OPCML: variants seen among roughly 807,000 people sequenced by gnomAD.
The protein encoded by OPCML is opioid-binding protein/cell adhesion molecule.
In OPCML, 13 loss-of-function variants were observed where a neutral mutation model predicts 37.8. The ratio of observed to expected loss-of-function variants is 0.34; its 90% confidence interval spans 0.22 to 0.55. OPCML has a LOEUF of 0.55. OPCML is among the 20% of genes least tolerant of loss of function. The probability of loss-of-function intolerance (pLI) is 0.91; values close to 1 mark genes in which losing one functional copy is unlikely to be tolerated. For missense variants in OPCML, 341 were observed against 435.6 expected, an observed-to-expected ratio of 0.78 and a Z score of 1.93; for synonymous variants, 176 against 168.8, an observed-to-expected ratio of 1.04 and a Z score of -0.33.
At chr11:132,542,477 C>A (rs2096359112) in intron 3 of OPCML, among the ~76,000 whole-genome samples, 1 of 152,170 alleles carries the variant, frequency 6.6e-6, no homozygotes, top group Non-Finnish European at 1.5e-5. Context: ...CAGTCTCTAT[C>A]CAGGTCTGGA....
chr11:133,081,983 G>A (rs1438510854), intron 1 of OPCML, among the ~76,000 whole-genome samples: 3 of 152,100 alleles, frequency 2.0e-5, no homozygotes, highest in Non-Finnish European at 4.4e-5. Flanking sequence ...CAGCAGCCCC[G>A]GGAAGTTCTG....
intron 2 of OPCML, among the ~76,000 whole-genome samples, chr11:132,806,852 T>G (rs1377067783): frequency 6.6e-6 from 1 of 152,190 alleles, no homozygotes; most frequent in Non-Finnish European, 1.5e-5. Flanking sequence ...CCATTATCCT[T>G]GGCCTTAGAA....
Position 132,980,084 on chromosome 11 carries a change from G to A in OPCML, c.62-37074C>T, listed in dbSNP as rs1206465779. ...AAGCCACACTATAGTGCCTCAAAATGTGAATAAGAGATAAAAGAAATACGG... is the reference window on the plus strand; with the variant it reads ...AAGCCACACTATAGTGCCTCAAAATATGAATAAGAGATAAAAGAAATACGG... On this transcript the variant is annotated intron_variant, in intron 1 of 7. Coordinates refer to ENST00000524381, the MANE Select transcript of OPCML (RefSeq NM_001012393.5). Among the ~76,000 whole-genome samples, 5 of 152,178 alleles carry A rather than the reference G, an allele frequency of 3.3e-5. 1 individual carries two copies. The highest frequency in any genetic ancestry group is 3.3e-4 in the Admixed American group (5 of 15,270).
intron 1 of OPCML, among the ~76,000 whole-genome samples, chr11:133,373,448 T>TATATATATATAC (rs966091785): frequency 1.5e-4 from 20 of 132,178 alleles, no homozygotes; most frequent in South Asian, 1.1e-3. Context: ...TATATATATA[T>TATATATATATAC]ACACACACAC....
chr11:132,609,018 C>T (rs576755204), intron 3 of OPCML, among the ~76,000 whole-genome samples: 44 of 152,242 alleles, frequency 2.9e-4, no homozygotes, highest in Non-Finnish European at 5.1e-4. Context: ...CTCTCTGCCT[C>T]CCCTGTCTTA....
In OPCML at chr11:132,920,434, G is replaced by A. The variant is rs116052298; in HGVS notation, c.146+22492C>T. Among the ~76,000 whole-genome samples, 916 of 152,292 alleles carry A rather than the reference G, an allele frequency of 6.0e-3. 7 individuals carry two copies. Among genetic ancestry groups the A allele is most frequent in the African/African-American group, 0.021 (864 of 41,560 alleles). ...AAAACTAAAAGTTACTGTGGTTTGCGGGAGAGGGCAAAAGAGCATGTGAAA... is the reference window on the plus strand; with the variant it reads ...AAAACTAAAAGTTACTGTGGTTTGCAGGAGAGGGCAAAAGAGCATGTGAAA... On this transcript the variant is annotated intron_variant, in intron 2 of 7. Transcript: ENST00000524381.
intron 1 of OPCML, among the ~76,000 whole-genome samples, chr11:133,328,053 A>T (rs777329993): frequency 2.0e-5 from 3 of 152,188 alleles, no homozygotes; most frequent in Non-Finnish European, 4.4e-5. Flanking sequence ...TCATTAAAAG[A>T]CGGCTAAAAA....
At position 133,208,920 on chromosome 11, in the gene OPCML, C is replaced by T. The variant is rs1446449825; in HGVS notation, c.62-265910G>A. On this transcript the variant is annotated intron_variant, in intron 1 of 7. Coordinates refer to ENST00000524381, the MANE Select transcript of OPCML (RefSeq NM_001012393.5). The surrounding 1 kb of genome is among the most constrained non-coding windows in gnomAD (Gnocchi z 8.9). The stretch of plus-strand genomic sequence containing the variant: ...CTGGTGTCTAAGAACCAAACCAACC[C>T]ACTCTTGGGAGAAGACATACTTACA... Among the ~76,000 whole-genome samples, 1 of 152,176 alleles carries T rather than the reference C, an allele frequency of 6.6e-6. No individual in the cohort carries two copies. Among genetic ancestry groups the T allele is most frequent in the Admixed American group, 6.5e-5 (1 of 15,286 alleles).
At chr11:133,025,645 T>C (rs991248672) in intron 1 of OPCML, 3 of 204,130 alleles carry the variant, frequency 1.5e-5, no homozygotes, top group African/African-American at 7.1e-5. Context: ...TAGTCTCAAG[T>C]CCTGGGCTCC....
intron 1 of OPCML, among the ~76,000 whole-genome samples, chr11:133,253,173 A>G (rs573447725): frequency 6.6e-5 from 10 of 151,760 alleles, no homozygotes; most frequent in Non-Finnish European, 1.0e-4. Context: ...GAAAGAAATA[A>G]TCTTTCTCTT....
intron 1 of OPCML, chr11:133,366,107 A>G (rs1944534489): frequency 6.6e-6 from 1 of 152,252 alleles, no homozygotes; most frequent in South Asian, 2.1e-4. Flanking sequence ...GCTGTTCCCT[A>G]AAGCACACAG....
chr11:133,097,898 G>A (rs2137065626), intron 1 of OPCML, among the ~76,000 whole-genome samples: 1 of 152,260 alleles, frequency 6.6e-6, no homozygotes, highest in Non-Finnish European at 1.5e-5. Flanking sequence ...AAAGGAACCA[G>A]GCCCAGATGG....
chr11:132,845,168 T>A (rs2136313333), intron 2 of OPCML, among the ~76,000 whole-genome samples: 1 of 152,212 alleles, frequency 6.6e-6, no homozygotes, highest in East Asian at 1.9e-4. Context: ...TTGGCATGAT[T>A]CCTGGTGGCT....
rs1198647239 is a variant in OPCML at position 133,174,668 on chromosome 11, A to T, written c.62-231658T>A. Among the ~76,000 whole-genome samples the T allele has an allele frequency of 6.7e-6, 1 of 150,066 alleles. No individual in the cohort carries two copies. Among genetic ancestry groups the T allele is most frequent in the African/African-American group, 2.4e-5 (1 of 40,826 alleles). On this transcript the variant is annotated intron_variant, in intron 1 of 7. Coordinates refer to ENST00000524381, the MANE Select transcript of OPCML (RefSeq NM_001012393.5). The surrounding 1 kb of genome is among the most constrained non-coding windows in gnomAD (Gnocchi z 4.6). ...AAAAAAAAAAAAAAAAGCAGGGGGA[A>T]GTTAAACACCTGAGTGAAGTGTGTG...
At chr11:132,715,099 C>A (rs1944420661) in intron 2 of OPCML, among the ~76,000 whole-genome samples, 1 of 152,208 alleles carries the variant, frequency 6.6e-6, no homozygotes, top group Non-Finnish European at 1.5e-5. Context: ...TCAGCAGGAA[C>A]TGTGACTCCA....
At chr11:132,959,033 C>G (rs1327906842) in intron 1 of OPCML, among the ~76,000 whole-genome samples, 2 of 152,186 alleles carry the variant, frequency 1.3e-5, no homozygotes, top group East Asian at 3.8e-4. Flanking sequence ...AGTGATTCTT[C>G]TGATGGATCT....
At position 133,461,770 on chromosome 11, in the gene OPCML, C is replaced by T. The variant is rs79912740; in HGVS notation, c.61+70494G>A. On this transcript the variant is annotated intron_variant, in intron 1 of 7. Transcript: ENST00000524381. ...AACCCAGTGATATTTTTGTAAGAAT[C>T]GAAAAATTTATTCTAAAAGTCATAT... Among the ~76,000 whole-genome samples, 1,091 of 151,790 alleles carry T rather than the reference C, an allele frequency of 7.2e-3. 10 individuals are homozygous for T. Among genetic ancestry groups the T allele is most frequent in the African/African-American group, 0.025 (1,045 of 41,484 alleles).
chr11:132,645,455 C>A (rs1941099983), intron 3 of OPCML, among the ~76,000 whole-genome samples: 1 of 152,172 alleles, frequency 6.6e-6, no homozygotes, highest in South Asian at 2.1e-4. Context: ...GGATTAATAA[C>A]CTTTTATATG....
At position 133,326,271 on chromosome 11, in the gene OPCML, ATGTGTGTGGGGGTGTGGG is replaced by A. The variant is rs1348846771; in HGVS notation, c.61+205975_61+205992del. ...GGGTGTGTGTATGTGGGGTGTGTGT[ATGTGTGTGGGGGTGTGGG>A]TGTGTGTGGGGGTGTGGGTATGTAT... On this transcript the variant is annotated intron_variant, in intron 1 of 7. Transcript: ENST00000524381. Among the ~76,000 whole-genome samples, 8 of 97,070 alleles carry A rather than the reference ATGTGTGTGGGGGTGTGGG, an allele frequency of 8.2e-5. No individual in the cohort carries two copies. In the South Asian group the frequency reaches 1.2e-3, roughly 14 times the overall value. 63.7% of individuals were successfully genotyped at this position (97,070 alleles called of 152,430 possible). A position where few individuals can be genotyped will look rare whatever the true frequency, so the allele number is the denominator to read the frequency against.
Sources: allele counts gnomAD v4.1 joint callset (sites outside exome capture counted in the v4.1 genomes callset), GRCh38; gene constraint gnomAD v4.1.1; non-coding constraint Gnocchi (gnomAD v3.1); transcripts MANE v1.5; gene names NCBI Gene and HGNC (gene_info 2026-07-23, HGNC 2026-07-21).